The following SEPTIN2 variants were observed in gnomAD, a reference collection of about 807,000 sequenced individuals.
SEPTIN2 encodes septin-2.
In SEPTIN2, 34 loss-of-function variants were observed where a neutral mutation model predicts 46.5. The observed-to-expected ratio is 0.73, with a 90% CI of 0.56 to 0.97. SEPTIN2 has a LOEUF of 0.97. Among genes scored for constraint, SEPTIN2 ranks in the 50% least tolerant of loss-of-function variants. The pLI, the probability that SEPTIN2 is intolerant of heterozygous loss-of-function variation, is 0.00. For missense variants in SEPTIN2, 347 were observed against 448.4 expected, an observed-to-expected ratio of 0.77 and a Z score of 2.04; for synonymous variants, 175 against 153.4, an observed-to-expected ratio of 1.14 and a Z score of -1.04.
intron 3 of SEPTIN2, among the ~76,000 whole-genome samples, chr2:241,333,138 TA>T (rs1166055682): frequency 6.6e-6 from 1 of 151,994 alleles, no homozygotes; most frequent in Non-Finnish European, 1.5e-5. Context: ...ATAAAACAGG[TA>T]GGGGGTTGAG....
intron 3 of SEPTIN2, among the ~76,000 whole-genome samples, chr2:241,332,465 G>A (rs1236304656): frequency 6.6e-6 from 1 of 152,190 alleles, no homozygotes; most frequent in Non-Finnish European, 1.5e-5. Flanking sequence ...TTGAAACCAT[G>A]AGATGCCACT....
chr2:241,329,019 TCTCA>T (rs540552280), intron 3 of SEPTIN2, among the ~76,000 whole-genome samples: 235 of 151,994 alleles, frequency 1.5e-3, no homozygotes, highest in African/African-American at 5.5e-3. Flanking sequence ...AAACTCCATC[TCTCA>T]CACACAAAAA....
chr2:241,322,780 A>G (rs944261619), intron 1 of SEPTIN2, among the ~76,000 whole-genome samples: 6 of 152,158 alleles, frequency 3.9e-5, no homozygotes, highest in Admixed American at 3.3e-4. Context: ...AGGAAACTCC[A>G]GTGGGTGGCA....
intron 7 of SEPTIN2, among the ~76,000 whole-genome samples, chr2:241,341,758 A>G (rs896517931): frequency 1.3e-5 from 2 of 152,190 alleles, no homozygotes; most frequent in Admixed American, 1.3e-4. Flanking sequence ...TAAAAACCAG[A>G]AAGCAAATCC....
chr2:241,337,909 T>G (rs776112969), intron 7 of SEPTIN2, 119 bp downstream of exon 7: 1 of 603,548 alleles, frequency 1.7e-6, no homozygotes. Flanking sequence ...GCGGGAGAAT[T>G]TTTCCTGCAT....
intron 1 of SEPTIN2, chr2:241,316,368 C>G (rs1310911559): frequency 3.6e-6 from 3 of 840,260 alleles, no homozygotes; most frequent in African/African-American, 1.8e-5. Flanking sequence ...CCGACAAACA[C>G]TTAGAGCTTG....
intron 2 of SEPTIN2, chr2:241,324,825 T>C (rs1474815623): frequency 6.6e-6 from 1 of 152,652 alleles, no homozygotes; most frequent in Non-Finnish European, 1.5e-5. Flanking sequence ...GATAATTTAT[T>C]ATGATGAAAT....
At chr2:241,320,042 C>T (rs2149824876) in intron 1 of SEPTIN2, among the ~76,000 whole-genome samples, 1 of 152,234 alleles carries the variant, frequency 6.6e-6, no homozygotes, top group East Asian at 1.9e-4. Context: ...AATCTAATTG[C>T]TAGCAAATAT....
intron 3 of SEPTIN2, among the ~76,000 whole-genome samples, chr2:241,330,226 G>T (rs1279885414): frequency 6.6e-6 from 1 of 152,126 alleles, no homozygotes; most frequent in Non-Finnish European, 1.5e-5. Flanking sequence ...AAATCACCAT[G>T]CCATACAGCA....
chr2:241,322,454 A>G (rs1318721177), intron 1 of SEPTIN2, among the ~76,000 whole-genome samples: 13 of 151,912 alleles, frequency 8.6e-5, no homozygotes. Context: ...AAATTAAAAA[A>G]AAATTAGCCG....
intron 1 of SEPTIN2, chr2:241,316,434 G>C: frequency 2.2e-6 from 3 of 1,348,132 alleles, no homozygotes; most frequent in Middle Eastern, 2.0e-4. Flanking sequence ...GTGGAGGACT[G>C]GCCAGCCCCC....
chr2:241,335,173 A>G lies in SEPTIN2; in HGVS notation c.178A>G (p.Thr60Ala). ...KSTLINSLFL[T>A]DLYPERVIPG... Reference sequence around the variant, plus strand: ...GACTCTCATAAACAGCCTATTCCTAACTGATCTGTACCCAGAAAGAGTCAT... The same window carrying G: ...GACTCTCATAAACAGCCTATTCCTAGCTGATCTGTACCCAGAAAGAGTCAT... Residue 60 changes from threonine (T) to alanine (A), a missense_variant, in exon 4 of 13, where the codon ACT becomes GCT. Physicochemically the swap from Thr to Ala is moderately conservative, Grantham distance 58. Coordinates refer to ENST00000391971, the MANE Select transcript of SEPTIN2 (RefSeq NM_004404.5). 4 of 1,613,924 alleles carry G rather than the reference A, an allele frequency of 2.5e-6. No homozygotes were observed. The highest frequency in any genetic ancestry group is 3.4e-6 in the Non-Finnish European group (4 of 1,179,888).
At chr2:241,342,831 C>G (rs974683722) in intron 7 of SEPTIN2, among the ~76,000 whole-genome samples, 161 bp from the exon 8 acceptor site, 1 of 152,110 alleles carries the variant, frequency 6.6e-6, no homozygotes, top group Non-Finnish European at 1.5e-5. Flanking sequence ...CCACCACACC[C>G]GGCCGCAGTT....
intron 3 of SEPTIN2, among the ~76,000 whole-genome samples, chr2:241,327,983 G>A (rs2078278707): frequency 6.6e-6 from 1 of 152,166 alleles, no homozygotes; most frequent in Non-Finnish European, 1.5e-5. Flanking sequence ...AGCCTGAGAC[G>A]TCAGGCCTAT....
At chr2:241,335,275 A>G in intron 4 of SEPTIN2, 63 bp downstream of exon 4, 1 of 1,587,058 alleles carries the variant, frequency 6.3e-7, no homozygotes. Flanking sequence ...AGACTGCCTA[A>G]TTAATATTTT....
chr2:241,323,031 T>A (rs1289524215), intron 1 of SEPTIN2, among the ~76,000 whole-genome samples: 2 of 152,138 alleles, frequency 1.3e-5, no homozygotes, highest in African/African-American at 4.8e-5. Flanking sequence ...TAAAAATTTT[T>A]TTAATTTTTT....
chr2:241,329,609 A>C (rs55645375), intron 3 of SEPTIN2, among the ~76,000 whole-genome samples: 19 of 152,290 alleles, frequency 1.2e-4, no homozygotes, highest in African/African-American at 3.9e-4. Context: ...TACTTTCTAC[A>C]GAAAGGGTAC....
At chr2:241,320,933 T>C (rs938624439) in intron 1 of SEPTIN2, among the ~76,000 whole-genome samples, 2 of 152,224 alleles carry the variant, frequency 1.3e-5, no homozygotes, top group African/African-American at 4.8e-5. Flanking sequence ...TAGAGATTGC[T>C]TATGGCTTTG....
At chr2:241,338,913 A>T (rs1200617008) in intron 7 of SEPTIN2, among the ~76,000 whole-genome samples, 1 of 60,146 alleles carries the variant, frequency 1.7e-5, no homozygotes. Context: ...TATATATAAT[A>T]TATATAATTG....
Sources: gnomAD v4.1 joint callset for allele counts (sites outside exome capture counted in the v4.1 genomes callset) on GRCh38, gnomAD v4.1.1 for gene constraint, MANE v1.5 for transcripts, NCBI Gene and HGNC (gene_info 2026-07-23, HGNC 2026-07-21) for gene names.